Variants in MYCBP2 observed in about 807,000 individuals in gnomAD.
The protein encoded by MYCBP2 is MYC binding protein 2, also known as E3 ubiquitin-protein ligase MYCBP2.
A neutral mutation model predicts 525.3 loss-of-function variants in MYCBP2; 120 were observed. The ratio of observed to expected loss-of-function variants is 0.23; its 90% CI spans 0.20 to 0.27. MYCBP2 has a LOEUF of 0.27. MYCBP2 is among the 10% of genes least tolerant of loss of function. The probability of loss-of-function intolerance (pLI) is 1.00; values close to 1 mark genes in which losing one functional copy is unlikely to be tolerated. For missense variants in MYCBP2, 4,149 were observed against 5,657.1 expected (o/e 0.73, Z 8.55); for synonymous variants, 1,894 against 1,955.8 (o/e 0.97, Z 0.83).
At position 77,081,370 on chromosome 13, in the gene MYCBP2, A is replaced by G. The variant is rs188766145; in HGVS notation, c.11418+57T>C. The G allele has an allele frequency of 1.7e-5, 25 of 1,431,686 alleles. No individual in the cohort carries two copies. The African/African-American group carries it at 3.5e-4, about 20-fold the overall frequency. The allele number at this position is 1,431,686 out of a possible 1,614,324, so 88.7% of individuals were successfully genotyped here. On this transcript the variant is annotated intron_variant, in intron 65 of 82. Transcript: ENST00000544440. The surrounding 1 kb of genome is among the most constrained non-coding windows in gnomAD (Gnocchi z 4.6). ...TTGCTAAATTCAGAAATGAAAGTGC[A>G]TGAATACTAAGATCTGAAAAGAGCT...
chr13:77,239,748 G>A (rs1392920474), intron 17 of MYCBP2, among the ~76,000 whole-genome samples: 1 of 152,132 alleles, frequency 6.6e-6, no homozygotes, highest in Non-Finnish European at 1.5e-5. Flanking sequence ...GTCCCTTTGA[G>A]ACCACCTTGA....
chr13:77,294,113 T>TATACATATATATATATACATATATATAC (rs1384208106), intron 2 of MYCBP2, among the ~76,000 whole-genome samples: 1 of 52,888 alleles, frequency 1.9e-5, no homozygotes, highest in African/African-American at 5.0e-5. Context: ...GCTATATATA[T>TATACATATATATATATACATATATATAC]ATATATATAT....
At chr13:77,110,544 T>C (rs1046855445) in intron 55 of MYCBP2, among the ~76,000 whole-genome samples, 8 of 152,196 alleles carry the variant, frequency 5.3e-5, no homozygotes, top group South Asian at 2.1e-4. Context: ...TGTGATCTTT[T>C]TGCCCTTTAA....
intron 20 of MYCBP2, among the ~76,000 whole-genome samples, chr13:77,218,729 T>C (rs2065150610): frequency 6.6e-6 from 1 of 152,200 alleles, no homozygotes; most frequent in African/African-American, 2.4e-5. Flanking sequence ...TTATGATAAA[T>C]GACATCCTAG....
intron 57 of MYCBP2, 59 bp downstream of exon 57, chr13:77,096,253 G>T (rs2046240487): frequency 4.8e-6 from 7 of 1,465,002 alleles, no homozygotes; most frequent in Admixed American, 1.9e-5. Flanking sequence ...TTATAACAAG[G>T]TATTTTTATA....
chr13:77,294,511 G>A (rs188003416), intron 2 of MYCBP2, among the ~76,000 whole-genome samples: 1 of 152,108 alleles, frequency 6.6e-6, no homozygotes, highest in East Asian at 1.9e-4. Flanking sequence ...CACAAAGCTA[G>A]TTGGAGGCCG....
At chr13:77,096,537 A>T (rs559152243) in intron 56 of MYCBP2, 56 bp from the exon 57 acceptor site, 47 of 1,572,070 alleles carry the variant, frequency 3.0e-5, no homozygotes, top group Non-Finnish European at 3.7e-5. Flanking sequence ...TAATAGTTTG[A>T]TCCTTATTAC....
chr13:77,129,018 C>A (rs918400439), intron 52 of MYCBP2: 14 of 387,930 alleles, frequency 3.6e-5, no homozygotes, highest in African/African-American at 2.9e-4. Context: ...TGAGAAAACT[C>A]AATTGCAGCA....
Position 77,058,552 on chromosome 13 carries a change from A to C in MYCBP2, c.13141-146T>G, listed in dbSNP as rs932844163. 6.3e-6 allele frequency: 4 copies of C among 638,332 alleles called. No homozygotes were observed. The highest frequency in any genetic ancestry group is 9.5e-6 in the Non-Finnish European group (4 of 419,688). 39.5% of individuals were successfully genotyped at this position (638,332 alleles called of 1,614,324 possible). Reference sequence around the variant, plus strand: ...GTAACAACAAAGTAAAGTTATTTCTAATCTTTGTTTGAATATAAATTAGGC... The same window carrying C: ...GTAACAACAAAGTAAAGTTATTTCTCATCTTTGTTTGAATATAAATTAGGC... On this transcript the variant is annotated intron_variant, in intron 77 of 82. Coordinates refer to ENST00000544440, the MANE Select transcript of MYCBP2 (RefSeq NM_015057.5). The surrounding 1 kb of genome is among the most constrained non-coding windows in gnomAD (Gnocchi z 4.1).
At chr13:77,057,348 G>A (rs1005777696) in intron 78 of MYCBP2, among the ~76,000 whole-genome samples, 4 of 152,080 alleles carry the variant, frequency 2.6e-5, no homozygotes, top group African/African-American at 9.7e-5. Flanking sequence ...CTTATATAAA[G>A]TAAGCTAGGT....
intron 54 of MYCBP2, 38 bp downstream of exon 54, chr13:77,125,298 G>A (rs1171907295): frequency 3.7e-6 from 6 of 1,611,554 alleles, no homozygotes; most frequent in Non-Finnish European, 5.1e-6. Flanking sequence ...GTATTTGAAA[G>A]CTTAATTGGA....
chr13:77,294,111 T>TACATATATATATATACATATAC (rs2077813374), intron 2 of MYCBP2, among the ~76,000 whole-genome samples: 4 of 54,470 alleles, frequency 7.3e-5, no homozygotes, highest in Non-Finnish European at 1.4e-4. Flanking sequence ...TGGCTATATA[T>TACATATATATATATACATATAC]ATATATATAT....
chr13:77,223,881 TG>T (rs1334513654), intron 20 of MYCBP2, among the ~76,000 whole-genome samples: 2 of 152,042 alleles, frequency 1.3e-5, no homozygotes, highest in African/African-American at 4.8e-5. Flanking sequence ...AATCTTTAGC[TG>T]CACGATCATG....
intron 58 of MYCBP2, among the ~76,000 whole-genome samples, 165 bp downstream of exon 58, chr13:77,095,193 G>C: frequency 6.6e-6 from 1 of 151,996 alleles, no homozygotes; most frequent in East Asian, 1.9e-4. Flanking sequence ...TTACCATAAA[G>C]TCATTATGTC....
intron 15 of MYCBP2, among the ~76,000 whole-genome samples, chr13:77,247,045 A>G (rs2070163933): frequency 6.6e-6 from 1 of 152,228 alleles, no homozygotes; most frequent in African/African-American, 2.4e-5. Context: ...TCCTCGTAAT[A>G]TCAGGAAGAA....
chr13:77,159,300 C>T (rs2057586007), intron 44 of MYCBP2, among the ~76,000 whole-genome samples: 1 of 151,976 alleles, frequency 6.6e-6, no homozygotes, highest in Non-Finnish European at 1.5e-5. Flanking sequence ...AATACATTGC[C>T]TAACAAATAG....
Position 77,080,942 on chromosome 13 carries a change from GA to G in MYCBP2, c.11418+484del, listed in dbSNP as rs11424523. On this transcript the variant is annotated intron_variant, in intron 65 of 82. Coordinates refer to ENST00000544440, the MANE Select transcript of MYCBP2 (RefSeq NM_015057.5). ...GGTGACAGAGGGAGACTCCATCTCA[GA>G]AAAAAAAAAAAAAGCTGATTACACT... The G allele has an allele frequency of 7.6e-3, 911 of 120,354 alleles. 5 individuals carry two copies. Among genetic ancestry groups the G allele is most frequent in the African/African-American group, 0.011 (363 of 33,172 alleles). The allele number at this position is 120,354 out of a possible 1,614,324, so 7.5% of individuals were successfully genotyped here.
At chr13:77,150,344 A>G (rs1309854934) in intron 47 of MYCBP2, among the ~76,000 whole-genome samples, 1 of 152,118 alleles carries the variant, frequency 6.6e-6, no homozygotes, top group Admixed American at 6.5e-5. Context: ...GTCTCACTAC[A>G]TTACTGAGGC....
chr13:77,152,501 C>T (rs1012867723), intron 46 of MYCBP2, among the ~76,000 whole-genome samples: 5 of 152,192 alleles, frequency 3.3e-5, no homozygotes, highest in African/African-American at 9.7e-5. Context: ...ACAGTTTATC[C>T]TTGTATTCCG....
Sources: gnomAD v4.1 joint callset for allele counts (sites outside exome capture counted in the v4.1 genomes callset) on GRCh38, gnomAD v4.1.1 for gene constraint, Gnocchi (gnomAD v3.1) non-coding constraint, MANE v1.5 for transcripts, NCBI Gene and HGNC (gene_info 2026-07-23, HGNC 2026-07-21) for gene names.